Variants in ASAP1 observed in about 807,000 individuals in gnomAD.
ASAP1 encodes arf-GAP with SH3 domain, ANK repeat and PH domain-containing protein 1.
A neutral mutation model predicts 145.2 loss-of-function variants in ASAP1; 43 were observed. That is an observed-to-expected ratio of 0.30 (90% confidence interval 0.23 to 0.38). The LOEUF is 0.38. ASAP1 is among the 10% of genes least tolerant of loss of function. The pLI is 1.00. For synonymous variants in ASAP1, 546 were observed against 515.5 expected, an observed-to-expected ratio of 1.06 and a Z score of -0.80; for missense variants, 1,018 against 1,355.3, an observed-to-expected ratio of 0.75 and a Z score of 3.91.
intron 13 of ASAP1, among the ~76,000 whole-genome samples, chr8:130,144,101 CA>C (rs1388233524): frequency 1.3e-5 from 2 of 152,164 alleles, no homozygotes; most frequent in African/African-American, 4.8e-5. Context: ...AGTTTTCATT[CA>C]ATAAATAGTT....
chr8:130,088,439 C>T (rs1417613992), intron 25 of ASAP1, among the ~76,000 whole-genome samples: 6 of 151,996 alleles, frequency 3.9e-5, no homozygotes, highest in Middle Eastern at 3.2e-3. Context: ...TACAATCACA[C>T]GTACACTTAT....
At chr8:130,250,786 C>A (rs1819147051) in intron 3 of ASAP1, among the ~76,000 whole-genome samples, 2 of 151,960 alleles carry the variant, frequency 1.3e-5, no homozygotes, top group Non-Finnish European at 2.9e-5. Context: ...TGAATTAAAC[C>A]AGCAGTTCCT....
chr8:130,439,450 T>C (rs1403571059), intron 1 of ASAP1, among the ~76,000 whole-genome samples: 1 of 152,200 alleles, frequency 6.6e-6, no homozygotes, highest in East Asian at 1.9e-4. Context: ...TGTAATGCAA[T>C]TTTTATTTAT....
intron 1 of ASAP1, among the ~76,000 whole-genome samples, chr8:130,409,409 C>T (rs1829172104): frequency 6.6e-6 from 1 of 152,218 alleles, no homozygotes; most frequent in South Asian, 2.1e-4. Flanking sequence ...TGCCTCCCTA[C>T]CAACCCTGAT....
At chr8:130,220,468 A>T (rs1231478895) in intron 4 of ASAP1, among the ~76,000 whole-genome samples, 3 of 152,210 alleles carry the variant, frequency 2.0e-5, no homozygotes, top group Non-Finnish European at 4.4e-5. Flanking sequence ...TAAATAAGGA[A>T]ATTTAAATTA....
chr8:130,155,900 G>A (rs1030069495), intron 12 of ASAP1, among the ~76,000 whole-genome samples: 2 of 152,160 alleles, frequency 1.3e-5, no homozygotes, highest in African/African-American at 4.8e-5. Context: ...AAATGGTCTC[G>A]TATAAATAGA....
At chr8:130,267,149 A>T (rs936057496) in intron 3 of ASAP1, among the ~76,000 whole-genome samples, 12 of 151,858 alleles carry the variant, frequency 7.9e-5, no homozygotes, top group Non-Finnish European at 1.3e-4. Flanking sequence ...CAAAAAACAA[A>T]ACAAAAAAAA....
chr8:130,161,791 A>T (rs1389873617), intron 11 of ASAP1, among the ~76,000 whole-genome samples: 1 of 152,188 alleles, frequency 6.6e-6, no homozygotes, highest in Non-Finnish European at 1.5e-5. Context: ...ATTTCCTTTT[A>T]AAAAATACAT....
chr8:130,143,098 G>A (rs2097616527), intron 13 of ASAP1, among the ~76,000 whole-genome samples: 1 of 152,182 alleles, frequency 6.6e-6, no homozygotes, highest in South Asian at 2.1e-4. Flanking sequence ...AATTTGAATG[G>A]TGAATGGAGG....
chr8:130,107,619 C>T (rs1345324959), intron 24 of ASAP1, among the ~76,000 whole-genome samples: 1 of 151,760 alleles, frequency 6.6e-6, no homozygotes, highest in Non-Finnish European at 1.5e-5. Context: ...GCCATCTTGG[C>T]TCACTGCAAC....
chr8:130,346,767 A>C (rs1825726886), intron 3 of ASAP1, among the ~76,000 whole-genome samples: 1 of 152,228 alleles, frequency 6.6e-6, no homozygotes, highest in Non-Finnish European at 1.5e-5. Context: ...TGCTATGAAA[A>C]ATATTACTAT....
Position 130,216,740 on chromosome 8 carries a change from T to TGTAATACAGACATATATTCAACTAC in ASAP1, c.260-2064_260-2040dup, listed in dbSNP as rs1257128347. 9.8e-5 allele frequency among the ~76,000 whole-genome samples: 15 copies of TGTAATACAGACATATATTCAACTAC among 152,348 alleles called. No individual in the cohort carries two copies. The Middle Eastern group carries it at 0.01, about 104-fold the overall frequency. ...CCCCAGCCCAGAAAAACCCACCCTC[T>TGTAATACAGACATATATTCAACTAC]GTAATACAGACATATATTCAACTAC... On this transcript the variant is annotated intron_variant, in intron 4 of 29. Coordinates refer to ENST00000518721, the MANE Select transcript of ASAP1 (RefSeq NM_018482.4).
chr8:130,141,815 T>A (rs2097612327), intron 13 of ASAP1, among the ~76,000 whole-genome samples: 1 of 152,114 alleles, frequency 6.6e-6, no homozygotes, highest in Non-Finnish European at 1.5e-5. Flanking sequence ...ACTCCTGGGC[T>A]CAAGGCATCC....
chr8:130,174,393 T>C (rs4733773), intron 9 of ASAP1, among the ~76,000 whole-genome samples: 34,025 of 152,174 alleles, frequency 0.22, 4,045 homozygotes, highest in South Asian at 0.37. Context: ...ATGTCTCATT[T>C]ATCTCTTAGC....
At chr8:130,101,138 T>C (rs1365262852) in intron 24 of ASAP1, among the ~76,000 whole-genome samples, 1 of 152,242 alleles carries the variant, frequency 6.6e-6, no homozygotes, top group Non-Finnish European at 1.5e-5. Flanking sequence ...CACTGGTCTA[T>C]GCATTTGTTT....
At chr8:130,353,972 C>T (rs562932725) in intron 3 of ASAP1, among the ~76,000 whole-genome samples, 29 of 152,098 alleles carry the variant, frequency 1.9e-4, no homozygotes, top group Non-Finnish European at 3.1e-4. Context: ...CTGCAAGCTC[C>T]GTCTCCCGGG....
intron 4 of ASAP1, among the ~76,000 whole-genome samples, chr8:130,218,234 C>A (rs184929102): frequency 2.0e-5 from 3 of 151,564 alleles, no homozygotes; most frequent in Non-Finnish European, 2.9e-5. Context: ...TTTTGGAGAC[C>A]TATGAAAAAA....
chr8:130,418,780 T>C (rs1829595403), intron 1 of ASAP1, among the ~76,000 whole-genome samples: 1 of 151,862 alleles, frequency 6.6e-6, no homozygotes, highest in Non-Finnish European at 1.5e-5. Flanking sequence ...ATAGGAGTTT[T>C]TTTTTTTTTA....
chr8:130,090,774 C>A (rs771513302), intron 25 of ASAP1, among the ~76,000 whole-genome samples: 1 of 152,150 alleles, frequency 6.6e-6, no homozygotes, highest in Non-Finnish European at 1.5e-5. Context: ...AGAGAATGAA[C>A]GGCTAAATGC....
Sources: gnomAD v4.1 joint callset for allele counts (sites outside exome capture counted in the v4.1 genomes callset) on GRCh38, gnomAD v4.1.1 for gene constraint, MANE v1.5 for transcripts, NCBI Gene and HGNC (gene_info 2026-07-23, HGNC 2026-07-21) for gene names.